LHFPL3: variants seen among roughly 807,000 people sequenced by gnomAD.
LHFPL3 encodes the protein LHFPL tetraspan subfamily member 3 protein.
A neutral mutation model predicts 19.3 loss-of-function variants in LHFPL3; 5 were observed. That is an observed-to-expected ratio of 0.26 (90% CI 0.14 to 0.54). LHFPL3 has a LOEUF of 0.54. Ranked by LOEUF, LHFPL3 falls within the 20% of genes least tolerant of loss-of-function variation. LHFPL3 has a pLI of 0.94. For missense variants in LHFPL3, 249 were observed against 307.4 expected, an observed-to-expected ratio of 0.81 and a Z score of 1.42; for synonymous variants, 133 against 126.2, an observed-to-expected ratio of 1.05 and a Z score of -0.36.
rs6979527 is a variant in LHFPL3, at chr7:104,616,574, A to G, written c.446-120101A>G. On this transcript the variant is annotated intron_variant, in intron 1 of 2. Transcript: ENST00000424859. ...AGGCAATACCATTCAGGACATAGGCATGGGAAAGACTTCATGACTAAAACA... is the reference window on the plus strand; with the variant it reads ...AGGCAATACCATTCAGGACATAGGCGTGGGAAAGACTTCATGACTAAAACA... 1.7e-3 allele frequency among the ~76,000 whole-genome samples: 257 copies of G among 152,330 alleles called. 2 individuals are homozygous for G. Among genetic ancestry groups the G allele is most frequent in the African/African-American group, 5.7e-3 (239 of 41,584 alleles).
intron 1 of LHFPL3, among the ~76,000 whole-genome samples, chr7:104,509,974 A>T (rs1793779110): frequency 1.3e-5 from 2 of 152,130 alleles, no homozygotes; most frequent in Non-Finnish European, 2.9e-5. Flanking sequence ...GTTAAAGTGC[A>T]GTACTATTTA....
intron 1 of LHFPL3, among the ~76,000 whole-genome samples, chr7:104,615,195 G>A (rs1016515532): frequency 1.3e-5 from 2 of 152,186 alleles, no homozygotes; most frequent in Admixed American, 6.5e-5. Flanking sequence ...TAATACGTGT[G>A]AAAAAGTTTG....
intron 1 of LHFPL3, among the ~76,000 whole-genome samples, chr7:104,673,241 A>G (rs1792520902): frequency 6.6e-6 from 1 of 152,254 alleles, no homozygotes; most frequent in Admixed American, 6.5e-5. Context: ...ACACAGGTAC[A>G]GGGTAACTGA....
intron 1 of LHFPL3, among the ~76,000 whole-genome samples, chr7:104,599,678 G>A (rs10245966): frequency 0.043 from 6,539 of 152,264 alleles, 161 homozygotes; most frequent in African/African-American, 0.062. Flanking sequence ...TCAATACAAT[G>A]AGGAAGGTCT....
chr7:104,439,309 A>G (rs1422098351), intron 1 of LHFPL3, among the ~76,000 whole-genome samples: 1 of 152,192 alleles, frequency 6.6e-6, no homozygotes, highest in Non-Finnish European at 1.5e-5. Context: ...TGATGCTAAA[A>G]TAACCCTGAT....
At chr7:104,430,168 G>C (rs1791929355) in intron 1 of LHFPL3, among the ~76,000 whole-genome samples, 1 of 151,142 alleles carries the variant, frequency 6.6e-6, no homozygotes, top group African/African-American at 2.4e-5. Flanking sequence ...CTTAGTCTTT[G>C]TCCTGTCTAC....
At chr7:104,783,409 T>G (rs1227584285) in intron 2 of LHFPL3, among the ~76,000 whole-genome samples, 1 of 152,228 alleles carries the variant, frequency 6.6e-6, no homozygotes, top group Non-Finnish European at 1.5e-5. Flanking sequence ...TCGTGTTGAC[T>G]GCTGAATCCC....
intron 1 of LHFPL3, among the ~76,000 whole-genome samples, chr7:104,572,670 A>C (rs1417325948): frequency 6.6e-6 from 1 of 152,220 alleles, no homozygotes; most frequent in East Asian, 1.9e-4. Context: ...TCTATTAGCT[A>C]TCTCAAAAAT....
At chr7:104,698,515 A>G (rs1490500866) in intron 1 of LHFPL3, among the ~76,000 whole-genome samples, 1 of 152,248 alleles carries the variant, frequency 6.6e-6, no homozygotes, top group Admixed American at 6.5e-5. Flanking sequence ...GGCACTGTCA[A>G]CAAAGTAAAA....
chr7:104,495,103 T>A (rs1383506936), intron 1 of LHFPL3, among the ~76,000 whole-genome samples: 3 of 152,236 alleles, frequency 2.0e-5, no homozygotes, highest in Non-Finnish European at 4.4e-5. Context: ...CTTTCTCTCC[T>A]AATGGGTTTC....
chr7:104,827,394 G>GT (rs1790845999), intron 2 of LHFPL3, among the ~76,000 whole-genome samples: 2 of 151,978 alleles, frequency 1.3e-5, no homozygotes, highest in Non-Finnish European at 2.9e-5. Context: ...ATAAATGGAT[G>GT]TTTTTTAAAG....
chr7:104,363,541 T>C (rs1790431116), intron 1 of LHFPL3, among the ~76,000 whole-genome samples: 1 of 152,212 alleles, frequency 6.6e-6, no homozygotes, highest in Admixed American at 6.5e-5. Flanking sequence ...GGATCTAGGC[T>C]GATGGAGCAG....
chr7:104,575,690 G>T (rs942567167), intron 1 of LHFPL3, among the ~76,000 whole-genome samples: 1 of 151,356 alleles, frequency 6.6e-6, no homozygotes, highest in Admixed American at 6.6e-5. Context: ...CTGTCACCCA[G>T]GCTGCAGTGC....
chr7:104,513,636 T>TCAAATA (rs756196903), intron 1 of LHFPL3, among the ~76,000 whole-genome samples: 135 of 152,148 alleles, frequency 8.9e-4, no homozygotes, highest in Non-Finnish European at 1.1e-3. Context: ...AATGACAAAT[T>TCAAATA]CAAATACAAT....
At chr7:104,477,470 T>A (rs1793043911) in intron 1 of LHFPL3, among the ~76,000 whole-genome samples, 1 of 152,134 alleles carries the variant, frequency 6.6e-6, no homozygotes. Flanking sequence ...TAATCATTAA[T>A]CAAATAATCA....
intron 1 of LHFPL3, among the ~76,000 whole-genome samples, chr7:104,381,583 AG>A (rs370384516): frequency 0.087 from 5,515 of 63,684 alleles, 348 homozygotes; most frequent in African/African-American, 0.29. Flanking sequence ...TCCCACACGC[AG>A]TTATTAAATG....
chr7:104,641,045 T>C (rs1412166956), intron 1 of LHFPL3, among the ~76,000 whole-genome samples: 1 of 152,214 alleles, frequency 6.6e-6, no homozygotes, highest in African/African-American at 2.4e-5. Context: ...AGTGAACATA[T>C]CTGTGGTGAG....
At chr7:104,744,412 T>A (rs1794002134) in intron 2 of LHFPL3, among the ~76,000 whole-genome samples, 2 of 152,214 alleles carry the variant, frequency 1.3e-5, no homozygotes, top group Non-Finnish European at 2.9e-5. Context: ...ACTGCCTGTT[T>A]CCTGATGGGA....
chr7:104,579,062 T>G (rs1414513339), intron 1 of LHFPL3, among the ~76,000 whole-genome samples: 1 of 152,212 alleles, frequency 6.6e-6, no homozygotes, highest in Non-Finnish European at 1.5e-5. Flanking sequence ...ACTGCTTATG[T>G]TGCCCCATTT....
Sources: gnomAD v4.1 joint callset for allele counts (sites outside exome capture counted in the v4.1 genomes callset) on GRCh38, gnomAD v4.1.1 for gene constraint, MANE v1.5 for transcripts, NCBI Gene and HGNC (gene_info 2026-07-23, HGNC 2026-07-21) for gene names.